ZNF510: variants seen among roughly 807,000 people sequenced by gnomAD.
ZNF510 encodes the protein zinc finger protein 510.
A neutral mutation model predicts 18.1 loss-of-function variants in ZNF510; 15 were observed. The ratio of observed to expected loss-of-function variants is 0.83; its 90% confidence interval spans 0.55 to 1.28. The LOEUF is 1.28. Ranked by LOEUF, ZNF510 falls within the 50% of genes most tolerant of loss-of-function variation. ZNF510 has a pLI of 0.00. For synonymous variants in ZNF510, 261 were observed against 266.4 expected (o/e 0.98, Z 0.20); for missense variants, 724 against 791.8 (o/e 0.91, Z 1.03).
intron 3 of ZNF510, 194 bp from the exon 4 acceptor site, chr9:96,763,826 T>G: frequency 2.0e-6 from 1 of 495,802 alleles, no homozygotes. Context: ...AGAGGTGCAG[T>G]GGCTCATGCC....
rs1359357611 is a variant in ZNF510 at position 96,759,236 on chromosome 9, T to C, written c.1594A>G (p.Arg532Gly). The change falls in exon 6 of 6, where the codon AGA (arginine) becomes GGA (glycine). Residue 532 changes from arginine (R) to glycine (G), a missense_variant. Physicochemically the swap from Arg to Gly is moderately radical, Grantham distance 125. Coordinates refer to ENST00000223428, the MANE Select transcript of ZNF510 (RefSeq NM_014930.3). Reference sequence around the variant, plus strand: ...CCAGTGTGAGTTCTCTGATGTATTCTGAGGTTTGACTTCTGGCCAAATGTT... The same window carrying C: ...CCAGTGTGAGTTCTCTGATGTATTCCGAGGTTTGACTTCTGGCCAAATGTT... ...GKTFGQKSNL[R>G]IHQRTHTGEK... 6.2e-7 allele frequency: 1 copy of C among 1,614,124 alleles called. No homozygotes were observed. Among genetic ancestry groups the C allele is most frequent in the Non-Finnish European group, 8.5e-7 (1 of 1,180,008 alleles).
At position 96,776,230 on chromosome 9, in the gene ZNF510, T is replaced by C. The variant is rs1849700652; in HGVS notation, c.-161A>G. ...AGTTCTTCGGTGGGACTCCTGTTCCTGGGGCTCCCTCCTTCCTGCAACATA... is the reference window on the plus strand; with the variant it reads ...AGTTCTTCGGTGGGACTCCTGTTCCCGGGGCTCCCTCCTTCCTGCAACATA... On this transcript the variant is annotated 5_prime_UTR_variant, in exon 2 of 6. Coordinates refer to ENST00000223428, the MANE Select transcript of ZNF510 (RefSeq NM_014930.3). The C allele has an allele frequency of 1.5e-6, 2 of 1,303,100 alleles. No homozygotes were observed. Among genetic ancestry groups the C allele is most frequent in the African/African-American group, 1.5e-5 (1 of 65,530 alleles). 80.7% of individuals were successfully genotyped at this position (1,303,100 alleles called of 1,614,324 possible).
chr9:96,765,519 C>CTT (rs796308923), intron 3 of ZNF510, among the ~76,000 whole-genome samples: 5 of 144,238 alleles, frequency 3.5e-5, no homozygotes, highest in Admixed American at 7.0e-5. Flanking sequence ...TTCACTTTTT[C>CTT]TTTTTTTTTT....
chr9:96,764,937 AC>A (rs779344463), intron 3 of ZNF510, among the ~76,000 whole-genome samples: 6 of 151,928 alleles, frequency 3.9e-5, no homozygotes, highest in Non-Finnish European at 8.8e-5. Flanking sequence ...ACGTGGTGAA[AC>A]CCCATCTCTA....
intron 5 of ZNF510, 81 bp downstream of exon 5, chr9:96,763,037 A>G (rs775331902): frequency 5.4e-6 from 6 of 1,119,826 alleles, no homozygotes; most frequent in South Asian, 2.5e-5. Flanking sequence ...AAGTCTTGCA[A>G]TATTTAGGTG....
chr9:96,760,970 CTA>C (rs1849333975), intron 5 of ZNF510, among the ~76,000 whole-genome samples: 1 of 151,874 alleles, frequency 6.6e-6, no homozygotes, highest in Non-Finnish European at 1.5e-5. Context: ...TTAGAATAGT[CTA>C]TTGTCTACAT....
At chr9:96,777,307 A>G (rs1849722535) in intron 1 of ZNF510, among the ~76,000 whole-genome samples, 1 of 152,202 alleles carries the variant, frequency 6.6e-6, no homozygotes, top group Admixed American at 6.5e-5. Context: ...GAAGGCTGCA[A>G]TGCTGGGTTA....
chr9:96,763,398 A>C, intron 4 of ZNF510, 108 bp downstream of exon 4: 1 of 1,419,364 alleles, frequency 7.0e-7, no homozygotes, highest in South Asian at 1.4e-5. Context: ...CCTGAATGAA[A>C]AGCCTAAATA....
rs1463316108 is a variant in ZNF510 at position 96,758,872 on chromosome 9, TCCCCA to T, written c.1953_1957del (p.Ser651ArgfsTer5). On this transcript the variant is annotated frameshift_variant, in exon 6 of 6. Transcript: ENST00000223428. LOFTEE classifies it low-confidence loss of function (END_TRUNC). ...ATATTCATTGCATTCATAAGATTTC[TCCCCA>T]CTGTGAGTCCTTTGATGTATTCTGA... 1 of 1,614,100 alleles carries T rather than the reference TCCCCA, an allele frequency of 6.2e-7. No individual in the cohort carries two copies.
At chr9:96,776,397 G>A (rs1478133520) in intron 1 of ZNF510, among the ~76,000 whole-genome samples, 152 bp from the exon 2 acceptor site, 1 of 152,100 alleles carries the variant, frequency 6.6e-6, no homozygotes, top group Non-Finnish European at 1.5e-5. Context: ...ATAAGGAGTG[G>A]TCCTGTGCAT....
Position 96,775,715 on chromosome 9 carries a change from C to T in ZNF510, c.70+285G>A, listed in dbSNP as rs10978926. Among the ~76,000 whole-genome samples the T allele has an allele frequency of 8.8e-3, 1,347 of 152,210 alleles. 11 individuals are homozygous for T. Among genetic ancestry groups the T allele is most frequent in the Middle Eastern group, 0.017 (5 of 294 alleles). On this transcript the variant is annotated intron_variant, in intron 2 of 5. Coordinates refer to ENST00000223428, the MANE Select transcript of ZNF510 (RefSeq NM_014930.3). Reference sequence around the variant, plus strand: ...GGTTTTAAGAGTCAGAAATAGAAATCCTTTCCTGTATTATCATTTTTGTGA... The same window carrying T: ...GGTTTTAAGAGTCAGAAATAGAAATTCTTTCCTGTATTATCATTTTTGTGA...
Position 96,759,021 on chromosome 9 carries a change from A to C in ZNF510, c.1809T>G (p.Asn603Lys), listed in dbSNP as rs1377156795. ...IHTGEKPFKC[N>K]ECGKKFVRKA... ...TCCGGACAAATTTCTTCCCACATTC[A>C]TTACATTTAAATGGTTTCTCCCCAG... Residue 603 changes from asparagine (N) to lysine (K), a missense_variant, in exon 6 of 6, where the codon AAT (asparagine) becomes AAG (lysine). Asn to Lys is a moderately conservative substitution (Grantham distance 94). Transcript: ENST00000223428. 1.2e-6 allele frequency: 2 copies of C among 1,613,742 alleles called. No homozygotes were observed. Among genetic ancestry groups the C allele is most frequent in the East Asian group, 2.2e-5 (1 of 44,850 alleles).
At chr9:96,767,125 C>T (rs1379216083) in intron 3 of ZNF510, among the ~76,000 whole-genome samples, 7 of 151,928 alleles carry the variant, frequency 4.6e-5, no homozygotes, top group Admixed American at 2.0e-4. Context: ...GTCAGGAGTT[C>T]GAGACCAGCC....
At chr9:96,763,695 A>C in intron 3 of ZNF510, 63 bp from the exon 4 acceptor site, 1 of 1,448,870 alleles carries the variant, frequency 6.9e-7, no homozygotes, top group Non-Finnish European at 9.2e-7. Flanking sequence ...GAAAATAGCC[A>C]TGAAAACAAT....
chr9:96,776,389 A>T (rs999427607), intron 1 of ZNF510, 144 bp from the exon 2 acceptor site: 7 of 309,918 alleles, frequency 2.3e-5, no homozygotes, highest in Non-Finnish European at 4.2e-5. Flanking sequence ...CCTCTGACAT[A>T]AGGAGTGGTC....
At chr9:96,777,991 T>TC (rs1437152990) in intron 1 of ZNF510, 43 bp downstream of exon 1, 1 of 152,176 alleles carries the variant, frequency 6.6e-6, no homozygotes, top group Admixed American at 6.5e-5. Flanking sequence ...AGCACATCCC[T>TC]CCCTGCAGGT....
At position 96,756,649 on chromosome 9, in the gene ZNF510, T is replaced by C. The variant is rs970587357; in HGVS notation, c.*2129A>G. 11 of 152,216 alleles carry C rather than the reference T, an allele frequency of 7.2e-5. No homozygotes were observed. The highest frequency in any genetic ancestry group is 2.4e-4 in the African/African-American group (10 of 41,458). The allele number at this position is 152,216 out of a possible 1,614,324, so 9.4% of individuals were successfully genotyped here. On this transcript the variant is annotated 3_prime_UTR_variant, in exon 6 of 6. Transcript: ENST00000223428. ...AGTGGAATTTTAGGTCAGAACCCTC[T>C]ACCCAAGGAAGAGATATCCAATGTG...
intron 3 of ZNF510, among the ~76,000 whole-genome samples, chr9:96,774,112 C>T (rs967353487): frequency 1.3e-5 from 2 of 152,208 alleles, no homozygotes; most frequent in African/African-American, 4.8e-5. Flanking sequence ...CTTAATGGAC[C>T]TTGCATGCCT....
chr9:96,765,842 A>G (rs1293004854), intron 3 of ZNF510, among the ~76,000 whole-genome samples: 5 of 152,016 alleles, frequency 3.3e-5, no homozygotes, highest in African/African-American at 1.2e-4. Context: ...GCCTATATGT[A>G]TAACAGTTAT....
Sources: allele counts gnomAD v4.1 joint callset (sites outside exome capture counted in the v4.1 genomes callset), GRCh38; gene constraint gnomAD v4.1.1; transcripts MANE v1.5; gene names NCBI Gene and HGNC (gene_info 2026-07-23, HGNC 2026-07-21).